The following PRKAR2B variants were observed in gnomAD, a reference collection of about 807,000 sequenced individuals.
PRKAR2B encodes cAMP-dependent protein kinase type II-beta regulatory subunit.
PRKAR2B carries 14 observed loss-of-function variants against 49.9 expected under a neutral mutation model. The ratio of observed to expected loss-of-function variants is 0.28; its 90% confidence interval spans 0.19 to 0.44. The LOEUF (loss-of-function observed/expected upper bound fraction) is 0.44, where lower values mean the gene tolerates loss of function less well. PRKAR2B is among the 20% of genes least tolerant of loss of function. PRKAR2B has a pLI of 1.00. For missense variants in PRKAR2B, 393 were observed against 537.9 expected, an observed-to-expected ratio of 0.73 and a Z score of 2.67; for synonymous variants, 196 against 197.7, an observed-to-expected ratio of 0.99 and a Z score of 0.07.
At chr7:107,134,011 T>C (rs60696671) in intron 4 of PRKAR2B, among the ~76,000 whole-genome samples, 10,842 of 152,054 alleles carry the variant, frequency 0.071, 1,079 homozygotes, top group African/African-American at 0.22. Context: ...ATAGACATAC[T>C]GTTATGCCCT....
At chr7:107,158,706 T>C (rs1796143088) in intron 10 of PRKAR2B, among the ~76,000 whole-genome samples, 1 of 152,210 alleles carries the variant, frequency 6.6e-6, no homozygotes, top group African/African-American at 2.4e-5. Flanking sequence ...TTGACACATA[T>C]TGCCAGATTA....
intron 5 of PRKAR2B, among the ~76,000 whole-genome samples, chr7:107,143,544 G>T (rs1319988616): frequency 1.3e-5 from 2 of 152,140 alleles, no homozygotes; most frequent in Non-Finnish European, 2.9e-5. Context: ...AAACACATTA[G>T]TTTTTACTGT....
Position 107,047,383 on chromosome 7 carries a change from C to T in PRKAR2B, c.307+2169C>T, listed in dbSNP as rs149723540. Among the ~76,000 whole-genome samples the T allele has an allele frequency of 1.6e-4, 24 of 151,668 alleles. No individual in the cohort carries two copies. The East Asian group carries it at 4.1e-3, about 26-fold the overall frequency. ...ATTGGCAAGGTTTCTTGTAAAGGGC[C>T]GGTTAGTAAGTGTTTTAGACTTAGG... is the stretch of plus-strand genomic sequence containing the variant. On this transcript the variant is annotated intron_variant, in intron 1 of 10. Coordinates refer to ENST00000265717, the MANE Select transcript of PRKAR2B (RefSeq NM_002736.3).
intron 4 of PRKAR2B, among the ~76,000 whole-genome samples, chr7:107,134,236 C>A (rs528887424): frequency 1.3e-5 from 2 of 152,216 alleles, no homozygotes; most frequent in East Asian, 3.9e-4. Flanking sequence ...ACTATGTTGG[C>A]CAGGCTGGTC....
chr7:107,157,866 T>G (rs1432990566), intron 10 of PRKAR2B, among the ~76,000 whole-genome samples: 6 of 152,224 alleles, frequency 3.9e-5, no homozygotes, highest in Admixed American at 3.9e-4. Context: ...TATCTGAGAT[T>G]ATATATCTGA....
chr7:107,083,897 C>T (rs1794564240), intron 2 of PRKAR2B, among the ~76,000 whole-genome samples: 5 of 152,146 alleles, frequency 3.3e-5, no homozygotes, highest in African/African-American at 1.2e-4. Flanking sequence ...AGGCGTGAGC[C>T]ACCACGTCTG....
intron 4 of PRKAR2B, among the ~76,000 whole-genome samples, chr7:107,140,236 C>T (rs1795766625): frequency 6.6e-6 from 1 of 152,184 alleles, no homozygotes; most frequent in Admixed American, 6.5e-5. Context: ...TTTGATGTTT[C>T]TGACAAATCT....
Position 107,045,005 on chromosome 7 carries a change from T to C in PRKAR2B, c.98T>C (p.Leu33Pro). The C allele has an allele frequency of 1.9e-6, 3 of 1,549,348 alleles. No individual in the cohort carries two copies. The highest frequency in any genetic ancestry group is 2.4e-5 in the East Asian group (1 of 41,208). ...HQPADLLEFA[L>P]QHFTRLQQEN... ...CCCGCGGACCTGCTGGAGTTCGCGC[T>C]GCAGCACTTCACCCGCCTGCAGCAG... The change falls in exon 1 of 11, where the codon CTG (leucine) becomes CCG (proline). Residue 33 changes from leucine to proline, a missense_variant. This residue lies in a region of PRKAR2B where 160 missense variants were observed against 147.6 expected (regional missense o/e 1.08). Coordinates refer to ENST00000265717, the MANE Select transcript of PRKAR2B (RefSeq NM_002736.3).
chr7:107,112,015 A>AAG (rs1459290093), intron 2 of PRKAR2B, among the ~76,000 whole-genome samples: 6 of 147,936 alleles, frequency 4.1e-5, no homozygotes, highest in Non-Finnish European at 7.5e-5. Flanking sequence ...AAAAAAAAAA[A>AAG]AAAAAAAAAA....
At chr7:107,121,039 TTTAAA>T (rs1409740444) in intron 2 of PRKAR2B, among the ~76,000 whole-genome samples, 2 of 151,022 alleles carry the variant, frequency 1.3e-5, no homozygotes, top group Admixed American at 1.3e-4. Flanking sequence ...TTTAAAAAAT[TTTAAA>T]TTATTTATTT....
At chr7:107,092,245 T>TTGTGTGTGTGTG (rs34502492) in intron 2 of PRKAR2B, among the ~76,000 whole-genome samples, 1 of 148,288 alleles carries the variant, frequency 6.7e-6, no homozygotes, top group Non-Finnish European at 1.5e-5. Context: ...AACCATTAAG[T>TTGTGTGTGTGTG]TGTGTGTGTG....
At chr7:107,108,835 C>T (rs1340413258) in intron 2 of PRKAR2B, among the ~76,000 whole-genome samples, 2 of 152,184 alleles carry the variant, frequency 1.3e-5, no homozygotes, top group Non-Finnish European at 2.9e-5. Flanking sequence ...CAGGCTGATA[C>T]AAGTGAACCC....
intron 2 of PRKAR2B, among the ~76,000 whole-genome samples, chr7:107,083,671 G>C (rs1794559239): frequency 6.6e-6 from 1 of 152,120 alleles, no homozygotes; most frequent in African/African-American, 2.4e-5. Context: ...GGAGTGCAGT[G>C]GCATGATCTC....
intron 2 of PRKAR2B, among the ~76,000 whole-genome samples, chr7:107,092,758 T>C (rs1794754576): frequency 6.6e-6 from 1 of 152,208 alleles, no homozygotes; most frequent in Non-Finnish European, 1.5e-5. Flanking sequence ...CATTCTTAGG[T>C]GTATGGTTCT....
intron 8 of PRKAR2B, among the ~76,000 whole-genome samples, chr7:107,155,590 A>G (rs1474296665): frequency 6.6e-6 from 1 of 151,688 alleles, no homozygotes; most frequent in East Asian, 1.9e-4. Context: ...GTTTCTCATT[A>G]TGGTTTTGAT....
intron 2 of PRKAR2B, among the ~76,000 whole-genome samples, chr7:107,112,494 A>G (rs1328921374): frequency 1.3e-5 from 2 of 152,276 alleles, no homozygotes; most frequent in East Asian, 1.9e-4. Flanking sequence ...TCCATATATT[A>G]TTACTGATTC....
chr7:107,137,589 C>G (rs902301686), intron 4 of PRKAR2B, among the ~76,000 whole-genome samples: 5 of 152,190 alleles, frequency 3.3e-5, no homozygotes, highest in Admixed American at 1.3e-4. Flanking sequence ...GGTGGAAGAT[C>G]ATGCATATCT....
chr7:107,101,147 T>A (rs1334973197), intron 2 of PRKAR2B, among the ~76,000 whole-genome samples: 1 of 149,972 alleles, frequency 6.7e-6, no homozygotes, highest in African/African-American at 2.5e-5. Context: ...TTTTTTTTTT[T>A]TTTTTTTTTT....
At chr7:107,103,913 A>T (rs183669759) in intron 2 of PRKAR2B, among the ~76,000 whole-genome samples, 1 of 152,370 alleles carries the variant, frequency 6.6e-6, no homozygotes, top group East Asian at 1.9e-4. Flanking sequence ...GTCTCAATTT[A>T]AAGGCTCCTG....
Sources: gnomAD v4.1 joint callset for allele counts (sites outside exome capture counted in the v4.1 genomes callset) on GRCh38, gnomAD v4.1.1 for gene constraint, gnomAD v4.1.1 regional missense constraint, MANE v1.5 for transcripts, NCBI Gene and HGNC (gene_info 2026-07-23, HGNC 2026-07-21) for gene names.